Variants in PLXNA4 observed in about 807,000 individuals in gnomAD.
The protein encoded by PLXNA4 is plexin A4.
PLXNA4 carries 44 observed loss-of-function variants against 191.8 expected under a neutral mutation model. The observed-to-expected ratio is 0.23, with a 90% CI of 0.18 to 0.29. PLXNA4 has a LOEUF of 0.29. PLXNA4 is among the 10% of genes least tolerant of loss of function. PLXNA4 has a pLI of 1.00. For synonymous variants in PLXNA4, 1,082 were observed against 1,009.5 expected, an observed-to-expected ratio of 1.07 and a Z score of -1.36; for missense variants, 1,800 against 2,488.8, an observed-to-expected ratio of 0.72 and a Z score of 5.89.
chr7:132,172,030 G>C (rs75544728), intron 21 of PLXNA4, among the ~76,000 whole-genome samples: 1,813 of 152,142 alleles, frequency 0.012, 37 homozygotes, highest in African/African-American at 0.041. Context: ...GGTGTTTTGG[G>C]GTGTGGGAGG....
In PLXNA4 at chr7:132,189,002, G is replaced by GGAAAGGAAA. The variant is rs1562908904; in HGVS notation, c.2857-1396_2857-1395insTTTCCTTTC. Among the ~76,000 whole-genome samples, 7 of 45,006 alleles carry GGAAAGGAAA rather than the reference G, an allele frequency of 1.6e-4. No individual in the cohort carries two copies. The East Asian group carries it at 4.2e-3, about 27-fold the overall frequency. 29.5% of individuals were successfully genotyped at this position (45,006 alleles called of 152,430 possible). A position where few individuals can be genotyped will look rare whatever the true frequency, so the allele number is the denominator to read the frequency against. ...AGGAAAGGAAAGGAAAGGAGAGAGA[G>GGAAAGGAAA]AGAGAGAGAGAGAGAGAGAGAGAGA... On this transcript the variant is annotated intron_variant, in intron 14 of 31. Coordinates refer to ENST00000321063, the MANE Select transcript of PLXNA4 (RefSeq NM_020911.2).
At chr7:132,405,273 G>A (rs569592996) in intron 3 of PLXNA4, among the ~76,000 whole-genome samples, 5 of 152,082 alleles carry the variant, frequency 3.3e-5, no homozygotes, top group Non-Finnish European at 5.9e-5. Flanking sequence ...ATGGGCTACC[G>A]CAATGCCGAG....
At chr7:132,452,598 G>C (rs189170229) in intron 3 of PLXNA4, among the ~76,000 whole-genome samples, 2 of 152,298 alleles carry the variant, frequency 1.3e-5, no homozygotes, top group Admixed American at 1.3e-4. Context: ...TAAGGGTCCA[G>C]CTCCCAGCTC....
intron 3 of PLXNA4, among the ~76,000 whole-genome samples, chr7:132,411,000 T>A (rs1052509104): frequency 6.6e-6 from 1 of 152,148 alleles, no homozygotes; most frequent in Admixed American, 6.5e-5. Flanking sequence ...ATCATCCCGA[T>A]TACGTTTGCC....
At chr7:132,506,692 G>T (rs1798478076) in intron 2 of PLXNA4, among the ~76,000 whole-genome samples, 1 of 152,124 alleles carries the variant, frequency 6.6e-6, no homozygotes, top group Admixed American at 6.5e-5. Flanking sequence ...TGTGTCCCCT[G>T]CTTCACCTGG....
intron 2 of PLXNA4, among the ~76,000 whole-genome samples, chr7:132,587,110 GC>G (rs1802518542): frequency 6.6e-6 from 1 of 151,852 alleles, no homozygotes; most frequent in Admixed American, 6.6e-5. Flanking sequence ...AGAGCTCAAG[GC>G]CCCACACTTT....
intron 5 of PLXNA4, among the ~76,000 whole-genome samples, chr7:132,230,578 G>A (rs758459507): frequency 2.2e-4 from 34 of 152,214 alleles, no homozygotes; most frequent in South Asian, 4.1e-4. Context: ...ATGGCAACAA[G>A]AGCGTCTGCC....
chr7:132,561,520 C>CT (rs1801066249), intron 1 of PLXNA4, among the ~76,000 whole-genome samples: 1 of 118,412 alleles, frequency 8.4e-6, no homozygotes, highest in South Asian at 3.4e-4. Flanking sequence ...CCTCCTCCTT[C>CT]TCCTCCTCCT....
intron 4 of PLXNA4, among the ~76,000 whole-genome samples, chr7:132,294,445 C>G (rs1801004279): frequency 6.6e-6 from 1 of 152,112 alleles, no homozygotes; most frequent in Non-Finnish European, 1.5e-5. Context: ...TTCATAGGCA[C>G]TTTGGTCATT....
At chr7:132,377,070 G>C (rs1804686879) in intron 3 of PLXNA4, among the ~76,000 whole-genome samples, 1 of 152,060 alleles carries the variant, frequency 6.6e-6, no homozygotes, top group South Asian at 2.1e-4. Context: ...TCCTACACTA[G>C]ATTCCCCAGA....
intron 5 of PLXNA4, among the ~76,000 whole-genome samples, chr7:132,235,303 G>A (rs1212252011): frequency 6.6e-6 from 1 of 152,222 alleles, no homozygotes; most frequent in Non-Finnish European, 1.5e-5. Flanking sequence ...AATTTTCATA[G>A]CATGGCTATG....
intron 3 of PLXNA4, among the ~76,000 whole-genome samples, chr7:132,398,563 C>A (rs974697154): frequency 6.6e-6 from 1 of 152,208 alleles, no homozygotes; most frequent in Non-Finnish European, 1.5e-5. Context: ...AACCACCCTC[C>A]TGGGCTGGCC....
chr7:132,202,517 G>T, intron 12 of PLXNA4, 129 bp downstream of exon 12: 1 of 997,038 alleles, frequency 1.0e-6, no homozygotes, highest in Non-Finnish European at 1.3e-6. Context: ...CATCCAGCCA[G>T]GCAGAGCAAC....
rs544152996 is a variant in PLXNA4 at position 132,597,537 on chromosome 7, G to C, written c.-87+48391C>G. 2.1e-4 allele frequency among the ~76,000 whole-genome samples: 32 copies of C among 152,044 alleles called. 2 individuals carry two copies. The South Asian group carries it at 6.7e-3, about 32-fold the overall frequency. The stretch of plus-strand genomic sequence containing the variant: ...GAGAATTGAGTCAACCATATTCCTA[G>C]TTCATGACACATTCAATCATGCATC... On this transcript the variant is annotated intron_variant, in intron 2 of 4. Transcript: ENST00000378539.
chr7:132,204,547 A>G (rs554527169), intron 10 of PLXNA4, among the ~76,000 whole-genome samples: 3 of 152,198 alleles, frequency 2.0e-5, no homozygotes, highest in Admixed American at 6.5e-5. Flanking sequence ...CAGGACCTAC[A>G]GGCTGTTTTA....
intron 12 of PLXNA4, among the ~76,000 whole-genome samples, chr7:132,201,141 T>C (rs952653283): frequency 1.3e-5 from 2 of 152,084 alleles, no homozygotes; most frequent in African/African-American, 4.8e-5. Context: ...GATGGGAAGC[T>C]ACACAGGGAG....
intron 3 of PLXNA4, among the ~76,000 whole-genome samples, chr7:132,385,730 G>GCGCATGCACACATGGATGCACA: frequency 6.6e-6 from 1 of 152,194 alleles, no homozygotes; most frequent in Non-Finnish European, 1.5e-5. Context: ...ACACACGCGT[G>GCGCATGCACACATGGATGCACA]CGCATGCACA....
In PLXNA4 at chr7:132,159,575, G is replaced by C; in HGVS notation, c.4558C>G (p.Leu1520Val). The C allele has an allele frequency of 6.2e-7, 1 of 1,614,140 alleles. No individual in the cohort carries two copies. The highest frequency in any genetic ancestry group is 8.5e-7 in the Non-Finnish European group (1 of 1,180,030). ...ACCTGAGTGATGGTGTCACAGTTGAGGATCTTTACTGGGACCTCGGGGCTG... is the reference window on the plus strand; with the variant it reads ...ACCTGAGTGATGGTGTCACAGTTGACGATCTTTACTGGGACCTCGGGGCTG... ...ANSPEVPVKI[L>V]NCDTITQVKE... Residue 1520 changes from leucine (L) to valine (V), a missense_variant, in exon 25 of 32, where the codon CTC (leucine) becomes GTC (valine). Physicochemically the swap from Leu to Val is conservative, Grantham distance 32 (BLOSUM62 1). This residue lies in a region of PLXNA4 where 214 missense variants were observed against 298.2 expected (regional missense o/e 0.72). Transcript: ENST00000321063.
intron 4 of PLXNA4, among the ~76,000 whole-genome samples, chr7:132,255,832 T>C (rs1799412755): frequency 6.6e-6 from 1 of 152,322 alleles, no homozygotes; most frequent in African/African-American, 2.4e-5. Context: ...GCTCTTGAAT[T>C]GCATAGGAAG....
Sources: allele counts gnomAD v4.1 joint callset (sites outside exome capture counted in the v4.1 genomes callset), GRCh38; gene constraint gnomAD v4.1.1; regional missense constraint gnomAD v4.1.1; transcripts MANE v1.5; gene names NCBI Gene and HGNC (gene_info 2026-07-23, HGNC 2026-07-21).